DACH2: variants seen among roughly 807,000 people sequenced by gnomAD.
DACH2 encodes the protein dachshund family transcription factor 2, also known as dachshund homolog 2.
DACH2 carries 17 observed loss-of-function variants against 35.8 expected under a neutral mutation model. That is an observed-to-expected ratio of 0.48 (90% confidence interval 0.33 to 0.71). The LOEUF is 0.71. Among genes scored for constraint, DACH2 ranks in the 30% least tolerant of loss-of-function variants. DACH2 has a pLI of 0.02. For missense variants in DACH2, 469 were observed against 472.7 expected (o/e 0.99, Z 0.07); for synonymous variants, 195 against 177.3 (o/e 1.10, Z -0.79).
At chrX:86,500,659 C>T (rs2038237542) in intron 2 of DACH2, among the ~76,000 whole-genome samples, 1 of 111,227 alleles carries the variant, frequency 9.0e-6, no homozygotes, top group Non-Finnish European at 1.9e-5. Context: ...TTTTAGAGCA[C>T]CAAGAATTGC....
chrX:86,625,759 C>A (rs949799148), intron 3 of DACH2, among the ~76,000 whole-genome samples: 1 of 110,833 alleles, frequency 9.0e-6, no homozygotes, highest in Non-Finnish European at 1.9e-5. Flanking sequence ...AGGGGAGCTC[C>A]CCTTTGTAAA....
intron 5 of DACH2, among the ~76,000 whole-genome samples, chrX:86,710,282 G>C: frequency 8.9e-6 from 1 of 112,099 alleles, no homozygotes; most frequent in Non-Finnish European, 1.9e-5. Context: ...TAAATAGTGT[G>C]TGATTCTAAC....
intron 2 of DACH2, among the ~76,000 whole-genome samples, chrX:86,415,358 G>C (rs1396533024): frequency 9.0e-6 from 1 of 111,602 alleles, no homozygotes; most frequent in East Asian, 2.8e-4. Context: ...GGAGAGTATA[G>C]CTCTATTGAA....
At chrX:86,496,642 T>A (rs1176396734) in intron 2 of DACH2, among the ~76,000 whole-genome samples, 2 of 109,538 alleles carry the variant, frequency 1.8e-5, no homozygotes, top group Non-Finnish European at 3.8e-5. Flanking sequence ...GGGATTCCAG[T>A]CCAAAGTTTG....
At chrX:86,799,853 G>A (rs2042275010) in intron 7 of DACH2, among the ~76,000 whole-genome samples, 1 of 111,393 alleles carries the variant, frequency 9.0e-6, no homozygotes, top group African/African-American at 3.3e-5. Flanking sequence ...CATAGCTTCA[G>A]ATGTAGCTCA....
chrX:86,463,358 A>C (rs1319840019), intron 2 of DACH2, among the ~76,000 whole-genome samples: 2 of 110,489 alleles, frequency 1.8e-5, no homozygotes, highest in Non-Finnish European at 3.8e-5. Context: ...TAAATGCCTT[A>C]AGATAGGTGT....
chrX:86,157,920 T>C (rs1336818440), intron 1 of DACH2, among the ~76,000 whole-genome samples: 3 of 111,383 alleles, frequency 2.7e-5, no homozygotes, highest in Non-Finnish European at 5.7e-5. Flanking sequence ...GTAATTATCA[T>C]ATAAGACTAT....
At chrX:86,720,031 C>T (rs992676801) in intron 6 of DACH2, among the ~76,000 whole-genome samples, 6 of 105,533 alleles carry the variant, frequency 5.7e-5, no homozygotes, top group African/African-American at 1.0e-4. Flanking sequence ...CTCCACCTCC[C>T]GGGTTCACAC....
chrX:86,555,393 G>A (rs898465505), intron 3 of DACH2, among the ~76,000 whole-genome samples: 19 of 111,346 alleles, frequency 1.7e-4, no homozygotes, highest in Admixed American at 4.8e-4. Context: ...AATCATTCTG[G>A]AGGTCCTAGT....
At position 86,451,291 on chromosome X, in the gene DACH2, C is replaced by T. The variant is rs777396531; in HGVS notation, c.528-62988C>T. Among the ~76,000 whole-genome samples, 16 of 111,884 alleles carry T rather than the reference C, an allele frequency of 1.4e-4. No homozygotes were observed. In the East Asian group the frequency reaches 4.2e-3, roughly 29 times the overall value. On this transcript the variant is annotated intron_variant, in intron 2 of 11. Coordinates refer to ENST00000373125, the MANE Select transcript of DACH2 (RefSeq NM_053281.3). Reference sequence around the variant, plus strand: ...TTCTGCAAATGGCTAGCCAGTTACTCCAGCACCACTTATTAAATAGGTAAT... The same window carrying T: ...TTCTGCAAATGGCTAGCCAGTTACTTCAGCACCACTTATTAAATAGGTAAT...
chrX:86,383,936 T>A (rs2148111634), intron 2 of DACH2, among the ~76,000 whole-genome samples: 1 of 111,153 alleles, frequency 9.0e-6, no homozygotes, highest in South Asian at 3.7e-4. Flanking sequence ...AATGCAAAGG[T>A]GTCTCAGGCT....
chrX:86,632,973 T>A (rs2040219771), intron 3 of DACH2, among the ~76,000 whole-genome samples: 1 of 109,315 alleles, frequency 9.1e-6, no homozygotes, highest in African/African-American at 3.3e-5. Flanking sequence ...GTTAAATTCC[T>A]ACATCAAAAA....
chrX:86,631,940 G>C lies in DACH2; in HGVS notation c.641-19096G>C, dbSNP rs1359105149. Among the ~76,000 whole-genome samples the C allele has an allele frequency of 3.6e-5, 4 of 110,548 alleles. No individual in the cohort carries two copies. In the Admixed American group the frequency reaches 3.9e-4, roughly 11 times the overall value. On this transcript the variant is annotated intron_variant, in intron 3 of 11. Transcript: ENST00000373125. Reference sequence around the variant, plus strand: ...AGTACAGGATAAACTTTGTTTTAGAGCATGCATGAATGATTAAAAAAACAA... The same window carrying C: ...AGTACAGGATAAACTTTGTTTTAGACCATGCATGAATGATTAAAAAAACAA...
At chrX:86,192,463 G>T (rs2031859944) in intron 1 of DACH2, among the ~76,000 whole-genome samples, 1 of 111,803 alleles carries the variant, frequency 8.9e-6, no homozygotes, top group East Asian at 2.8e-4. Context: ...CATGACTTTA[G>T]TGTATGTGTA....
rs144920575 is a variant in DACH2 at position 86,166,061 on chromosome X, C to A, written c.488+16953C>A. On this transcript the variant is annotated intron_variant, in intron 1 of 11. Coordinates refer to ENST00000373125, the MANE Select transcript of DACH2 (RefSeq NM_053281.3). ...CATTCCTCTGTATATACATTTCCAC[C>A]TTTCCCAGCACTCTTTATTGAAGAG... 9.2e-3 allele frequency among the ~76,000 whole-genome samples: 1,021 copies of A among 111,188 alleles called. 13 individuals are homozygous for A. Among genetic ancestry groups the A allele is most frequent in the African/African-American group, 0.031 (958 of 30,693 alleles).
chrX:86,254,440 TTAAG>T (rs2033461902), intron 1 of DACH2, among the ~76,000 whole-genome samples: 1 of 110,405 alleles, frequency 9.1e-6, no homozygotes, highest in Non-Finnish European at 1.9e-5. Context: ...TTGTATGCCC[TTAAG>T]TATTTTGTGT....
intron 1 of DACH2, among the ~76,000 whole-genome samples, chrX:86,329,090 G>A (rs2035165919): frequency 9.0e-6 from 1 of 111,226 alleles, no homozygotes; most frequent in Admixed American, 9.6e-5. Context: ...TCATCCTGAA[G>A]GATTGAAGTG....
chrX:86,585,666 T>C (rs1414789665), intron 3 of DACH2, among the ~76,000 whole-genome samples: 1 of 111,171 alleles, frequency 9.0e-6, no homozygotes, highest in African/African-American at 3.3e-5. Context: ...GTGGTGGTAT[T>C]CAATTTTCTG....
At chrX:86,292,615 G>T (rs900668442) in intron 1 of DACH2, among the ~76,000 whole-genome samples, 44 of 110,271 alleles carry the variant, frequency 4.0e-4, no homozygotes, top group Non-Finnish European at 7.4e-4. Flanking sequence ...CAGAGATTCT[G>T]GTATGTTGTG....
Sources: allele counts gnomAD v4.1 joint callset (sites outside exome capture counted in the v4.1 genomes callset), GRCh38; gene constraint gnomAD v4.1.1; transcripts MANE v1.5; gene names NCBI Gene and HGNC (gene_info 2026-07-23, HGNC 2026-07-21).